The following FRMPD4 variants were observed in gnomAD, a reference collection of about 807,000 sequenced individuals.
The protein encoded by FRMPD4 is FERM and PDZ domain containing 4, also known as FERM and PDZ domain-containing protein 4.
FRMPD4 carries 22 observed loss-of-function variants against 94.1 expected under a neutral mutation model. The observed-to-expected ratio is 0.23, with a 90% CI of 0.17 to 0.33. FRMPD4 has a LOEUF of 0.33. Ranked by LOEUF, FRMPD4 falls within the 10% of genes least tolerant of loss-of-function variation. The pLI is 1.00. For missense variants in FRMPD4, 1,111 were observed against 1,339.9 expected (o/e 0.83, Z 2.67); for synonymous variants, 631 against 548.6 (o/e 1.15, Z -2.10).
chrX:12,483,581 G>C (rs2057710578), intron 1 of FRMPD4, among the ~76,000 whole-genome samples: 1 of 111,713 alleles, frequency 9.0e-6, no homozygotes, highest in Admixed American at 9.5e-5. Flanking sequence ...CCTTTTATTA[G>C]TATATTATAT....
chrX:12,308,758 A>C (rs2054984829), intron 1 of FRMPD4, among the ~76,000 whole-genome samples: 1 of 111,841 alleles, frequency 8.9e-6, no homozygotes, highest in African/African-American at 3.3e-5. Context: ...AAGGCAGGGA[A>C]GGTGGCCCAG....
chrX:12,387,999 T>A (rs2056420486), intron 1 of FRMPD4, among the ~76,000 whole-genome samples: 1 of 108,349 alleles, frequency 9.2e-6, no homozygotes, highest in Admixed American at 9.9e-5. Context: ...AAAAGTAGTA[T>A]AGTTATATAG....
At chrX:12,393,648 C>A (rs951000584) in intron 1 of FRMPD4, among the ~76,000 whole-genome samples, 1 of 112,017 alleles carries the variant, frequency 8.9e-6, no homozygotes, top group African/African-American at 3.2e-5. Flanking sequence ...TTTGTTGTTG[C>A]TGCTGCTTTT....
At chrX:11,977,606 G>A (rs925407393) in intron 3 of FRMPD4, among the ~76,000 whole-genome samples, 3 of 111,252 alleles carry the variant, frequency 2.7e-5, no homozygotes, top group African/African-American at 6.5e-5. Flanking sequence ...CAAGGTGGTC[G>A]GGGTGTAGCT....
chrX:12,229,163 A>G (rs772429498), intron 1 of FRMPD4, among the ~76,000 whole-genome samples: 2 of 112,050 alleles, frequency 1.8e-5, no homozygotes, highest in East Asian at 5.6e-4. Flanking sequence ...GCTGATTTTG[A>G]CATAAATTTC....
chrX:12,300,428 G>A (rs1028308473), intron 1 of FRMPD4, among the ~76,000 whole-genome samples: 5 of 111,742 alleles, frequency 4.5e-5, no homozygotes, highest in African/African-American at 1.6e-4. Context: ...AATGAAAGGG[G>A]GAAGCAGGAG....
At chrX:12,553,433 CCTATAT>C (rs1366696712) in intron 2 of FRMPD4, among the ~76,000 whole-genome samples, 2 of 28,753 alleles carry the variant, frequency 7.0e-5, no homozygotes, top group Non-Finnish European at 1.1e-4. Context: ...TATCCATATG[CCTATAT>C]ATATATATAT....
intron 3 of FRMPD4, among the ~76,000 whole-genome samples, chrX:12,041,550 G>A (rs1237693788): frequency 2.7e-5 from 3 of 110,216 alleles, no homozygotes; most frequent in Non-Finnish European, 5.7e-5. Flanking sequence ...TGTATATCAT[G>A]AGTCATTTTT....
chrX:12,011,034 A>G (rs1159285058), intron 3 of FRMPD4, among the ~76,000 whole-genome samples: 3 of 112,657 alleles, frequency 2.7e-5, no homozygotes, highest in Non-Finnish European at 5.6e-5. Flanking sequence ...AAAACCATAT[A>G]TAGTCAGTTA....
At chrX:12,279,578 T>C in intron 1 of FRMPD4, among the ~76,000 whole-genome samples, 1 of 111,623 alleles carries the variant, frequency 9.0e-6, no homozygotes, top group Non-Finnish European at 1.9e-5. Context: ...GGCTAACAGG[T>C]TCCTTTCAAG....
chrX:12,216,430 A>G (rs1461113406), intron 1 of FRMPD4, among the ~76,000 whole-genome samples: 3 of 111,662 alleles, frequency 2.7e-5, no homozygotes, highest in Admixed American at 1.9e-4. Flanking sequence ...TCACGCACCA[A>G]CTACTTCTGT....
At chrX:12,198,576 G>T (rs1392095663) in intron 1 of FRMPD4, among the ~76,000 whole-genome samples, 1 of 111,716 alleles carries the variant, frequency 9.0e-6, no homozygotes, top group African/African-American at 3.3e-5. Flanking sequence ...TGACGCCTTA[G>T]ATTCAAGTGC....
chrX:12,014,035 G>A (rs749966725), intron 3 of FRMPD4, among the ~76,000 whole-genome samples: 5 of 111,134 alleles, frequency 4.5e-5, no homozygotes, highest in African/African-American at 6.5e-5. Flanking sequence ...AGCATATAAC[G>A]TGCTTATTAA....
intron 2 of FRMPD4, among the ~76,000 whole-genome samples, chrX:12,574,299 C>G (rs150121287): frequency 2.0e-4 from 22 of 112,140 alleles, no homozygotes; most frequent in African/African-American, 5.8e-4. Flanking sequence ...CACACCTGGC[C>G]TATTATTGTT....
chrX:11,891,165 G>A (rs1045574241), intron 3 of FRMPD4, among the ~76,000 whole-genome samples: 8 of 112,311 alleles, frequency 7.1e-5, no homozygotes, highest in South Asian at 3.7e-4. Context: ...CACTGTTTGG[G>A]TTCTGACTGG....
At position 12,319,738 on chromosome X, in the gene FRMPD4, T is replaced by C. The variant is rs760439303; in HGVS notation, c.42-178942T>C. 8.9e-5 allele frequency among the ~76,000 whole-genome samples: 10 copies of C among 111,987 alleles called. No homozygotes were observed. In the South Asian group the frequency reaches 3.5e-3, roughly 39 times the overall value. ...AATGAGACTACCACTGTAAAATGCA[T>C]TGAGTCTCCAGACTTAGATGAATGT... On this transcript the variant is annotated intron_variant, in intron 1 of 16. Transcript: ENST00000675598.
At chrX:12,328,439 A>C (rs1339594739) in intron 1 of FRMPD4, among the ~76,000 whole-genome samples, 2 of 111,887 alleles carry the variant, frequency 1.8e-5, no homozygotes, top group Non-Finnish European at 3.8e-5. Flanking sequence ...TAGACCACTA[A>C]GTCCTAGCTA....
At chrX:12,638,915 G>A (rs754376179) in intron 4 of FRMPD4, among the ~76,000 whole-genome samples, 2 of 111,129 alleles carry the variant, frequency 1.8e-5, no homozygotes, top group South Asian at 3.9e-4. Flanking sequence ...TGGCTCCCAC[G>A]CTGGCCATTA....
At chrX:12,455,173 C>CA (rs1265469297) in intron 1 of FRMPD4, among the ~76,000 whole-genome samples, 6 of 110,422 alleles carry the variant, frequency 5.4e-5, no homozygotes, top group Admixed American at 1.9e-4. Flanking sequence ...AAAATTATAC[C>CA]AAAATAAAAA....
Sources: allele counts gnomAD v4.1 joint callset (sites outside exome capture counted in the v4.1 genomes callset), GRCh38; gene constraint gnomAD v4.1.1; transcripts MANE v1.5; gene names NCBI Gene and HGNC (gene_info 2026-07-23, HGNC 2026-07-21).